Variants in CAMTA1 observed in about 807,000 individuals in gnomAD.
CAMTA1 encodes calmodulin binding transcription activator 1.
A neutral mutation model predicts 170.9 loss-of-function variants in CAMTA1; 27 were observed. The observed-to-expected ratio is 0.16, with a 90% confidence interval of 0.12 to 0.22. The LOEUF (loss-of-function observed/expected upper bound fraction) is 0.22. Ranked by LOEUF, CAMTA1 falls within the 10% of genes least tolerant of loss-of-function variation. CAMTA1 has a pLI of 1.00. For synonymous variants in CAMTA1, 833 were observed against 891.5 expected (o/e 0.93, Z 1.17); for missense variants, 1,619 against 2,217.2 (o/e 0.73, Z 5.42).
intron 5 of CAMTA1, among the ~76,000 whole-genome samples, chr1:7,354,428 C>A (rs1260035326): frequency 6.6e-6 from 1 of 152,178 alleles, no homozygotes; most frequent in Non-Finnish European, 1.5e-5. Context: ...GGATTACAGG[C>A]TTGAGCCACC....
intron 4 of CAMTA1, among the ~76,000 whole-genome samples, chr1:7,236,029 T>C (rs568961934): frequency 1.3e-5 from 2 of 152,302 alleles, no homozygotes; most frequent in South Asian, 2.1e-4. Flanking sequence ...CTTCCCCCTC[T>C]TTTCATAAAC....
At chr1:7,102,162 G>C (rs573270414) in intron 4 of CAMTA1, among the ~76,000 whole-genome samples, 1 of 152,274 alleles carries the variant, frequency 6.6e-6, no homozygotes, top group South Asian at 2.1e-4. Context: ...TTTTTGGGTA[G>C]AGGAAATTTT....
At chr1:7,758,638 A>G (rs1008677238) in intron 22 of CAMTA1, among the ~76,000 whole-genome samples, 1 of 152,196 alleles carries the variant, frequency 6.6e-6, no homozygotes, top group Non-Finnish European at 1.5e-5. Flanking sequence ...ATGTTAAGAT[A>G]AAATACTTAT....
intron 1 of CAMTA1, among the ~76,000 whole-genome samples, chr1:6,810,024 T>A (rs535776151): frequency 6.6e-6 from 1 of 152,312 alleles, no homozygotes; most frequent in African/African-American, 2.4e-5. Context: ...GAAACCACTG[T>A]GGCCTGATGG....
At chr1:6,813,822 CAT>C (rs2148378465) in intron 1 of CAMTA1, among the ~76,000 whole-genome samples, 1 of 152,246 alleles carries the variant, frequency 6.6e-6, no homozygotes, top group South Asian at 2.1e-4. Context: ...AGTACCAAGA[CAT>C]AGCAAATCAA....
intron 3 of CAMTA1, among the ~76,000 whole-genome samples, chr1:6,977,134 A>G (rs1166982165): frequency 6.6e-6 from 1 of 152,138 alleles, no homozygotes; most frequent in Non-Finnish European, 1.5e-5. Context: ...GGGGCACTGG[A>G]TGGGGGAGAA....
chr1:7,425,668 G>A (rs1372948219), intron 5 of CAMTA1, among the ~76,000 whole-genome samples: 2 of 152,074 alleles, frequency 1.3e-5, no homozygotes, highest in East Asian at 3.9e-4. Flanking sequence ...CCTTCTCTAT[G>A]ACTCAAAGAC....
At position 7,565,658 on chromosome 1, in the gene CAMTA1, C is replaced by T. The variant is rs930556630; in HGVS notation, c.511-74742C>T. Reference sequence around the variant, plus strand: ...GGGGAGGCTGCCTGGGGGCCTCAGCCATACTGTGGGGCTCCTTGGGGAAAG... The same window carrying T: ...GGGGAGGCTGCCTGGGGGCCTCAGCTATACTGTGGGGCTCCTTGGGGAAAG... On this transcript the variant is annotated intron_variant, in intron 6 of 22. Transcript: ENST00000303635. The surrounding 1 kb of genome is among the most constrained non-coding windows in gnomAD (Gnocchi z 4.5). 9.2e-5 allele frequency among the ~76,000 whole-genome samples: 14 copies of T among 152,158 alleles called. No homozygotes were observed. The highest frequency in any genetic ancestry group is 7.9e-4 in the Admixed American group (12 of 15,278).
At chr1:7,720,341 G>C (rs1247645633) in intron 11 of CAMTA1, among the ~76,000 whole-genome samples, 2 of 152,132 alleles carry the variant, frequency 1.3e-5, no homozygotes, top group Non-Finnish European at 2.9e-5. Context: ...TGAAAAGGGG[G>C]AACATCTCAA....
At position 7,737,017 on chromosome 1, in the gene CAMTA1, A is replaced by G. The variant is rs1265039098; in HGVS notation, c.3342+8A>G. 5.6e-6 allele frequency: 9 copies of G among 1,599,868 alleles called. No individual in the cohort carries two copies. Among genetic ancestry groups the G allele is most frequent in the Non-Finnish European group, 6.9e-6 (8 of 1,167,874 alleles). ...TTCTCCTGTACTCCTCTGGTAAGGAATGGATTCCTGTAGCCCCCCCTTGCT... is the reference window on the plus strand; with the variant it reads ...TTCTCCTGTACTCCTCTGGTAAGGAGTGGATTCCTGTAGCCCCCCCTTGCT... On this transcript the variant is annotated splice_region_variant and intron_variant, in intron 14 of 22. Coordinates refer to ENST00000303635, the MANE Select transcript of CAMTA1 (RefSeq NM_015215.4).
At chr1:6,877,411 T>C (rs1670226424) in intron 3 of CAMTA1, among the ~76,000 whole-genome samples, 2 of 152,054 alleles carry the variant, frequency 1.3e-5, no homozygotes, top group South Asian at 4.1e-4. Context: ...ATGGTGAAGG[T>C]GTGGAAGGAT....
chr1:6,987,859 G>A (rs138361523), intron 3 of CAMTA1, among the ~76,000 whole-genome samples: 1 of 151,822 alleles, frequency 6.6e-6, no homozygotes, highest in Non-Finnish European at 1.5e-5. Context: ...CCTGTGCTGT[G>A]TGGTGCCCAC....
At chr1:6,870,191 C>T (rs1667990770) in intron 3 of CAMTA1, among the ~76,000 whole-genome samples, 1 of 152,118 alleles carries the variant, frequency 6.6e-6, no homozygotes, top group African/African-American at 2.4e-5. Flanking sequence ...GCTACTAAAA[C>T]AACGTATGCA....
chr1:7,433,081 G>A (rs969453078), intron 5 of CAMTA1, among the ~76,000 whole-genome samples: 22 of 152,220 alleles, frequency 1.4e-4, no homozygotes, highest in Middle Eastern at 3.2e-3. Context: ...ATGGCTGAAG[G>A]GTACTTGGTC....
chr1:7,505,925 G>T (rs541130233), intron 6 of CAMTA1, among the ~76,000 whole-genome samples: 1 of 152,180 alleles, frequency 6.6e-6, no homozygotes, highest in Non-Finnish European at 1.5e-5. Flanking sequence ...CTCCCAGTCC[G>T]AGAGGCCTCC....
intron 5 of CAMTA1, among the ~76,000 whole-genome samples, chr1:7,381,398 T>C (rs2149065334): frequency 6.6e-6 from 1 of 150,996 alleles, no homozygotes. Flanking sequence ...AGTGAGAATA[T>C]GCGGTGTTCG....
intron 6 of CAMTA1, among the ~76,000 whole-genome samples, chr1:7,584,359 C>A (rs770324507): frequency 6.6e-6 from 1 of 151,978 alleles, no homozygotes; most frequent in Non-Finnish European, 1.5e-5. Flanking sequence ...GCTGAACTGT[C>A]TCGCTCGGAT....
chr1:7,423,404 G>A (rs537811674), intron 5 of CAMTA1, among the ~76,000 whole-genome samples: 10 of 151,256 alleles, frequency 6.6e-5, no homozygotes. Context: ...CGGAGGCAGA[G>A]GTTGCAGTGA....
rs144675406 is a variant in CAMTA1 at position 6,918,950 on chromosome 1, G to A, written c.234+93740G>A. Among the ~76,000 whole-genome samples, 94 of 152,286 alleles carry A rather than the reference G, an allele frequency of 6.2e-4. No individual in the cohort carries two copies. Among genetic ancestry groups the A allele is most frequent in the Non-Finnish European group, 8.2e-4 (56 of 68,038 alleles). Reference sequence around the variant, plus strand: ...CACAGGCCACAGAGAAAGGAGAGGCGACCCTGCAAGCTAGAAGCCAAAGAG... The same window carrying A: ...CACAGGCCACAGAGAAAGGAGAGGCAACCCTGCAAGCTAGAAGCCAAAGAG... On this transcript the variant is annotated intron_variant, in intron 3 of 22. Transcript: ENST00000303635. This position sits in a 1 kb window ranked among gnomAD's most constrained non-coding sequence, Gnocchi z 4.0.
Sources: gnomAD v4.1 joint callset for allele counts (sites outside exome capture counted in the v4.1 genomes callset) on GRCh38, gnomAD v4.1.1 for gene constraint, Gnocchi (gnomAD v3.1) non-coding constraint, MANE v1.5 for transcripts, NCBI Gene and HGNC (gene_info 2026-07-23, HGNC 2026-07-21) for gene names.